The following SLC44A2 variants were observed in gnomAD, a reference collection of about 807,000 sequenced individuals.
SLC44A2 encodes solute carrier family 44 member 2 (CTL2 blood group), also known as choline transporter-like protein 2.
A neutral mutation model predicts 90.8 loss-of-function variants in SLC44A2; 57 were observed. The ratio of observed to expected loss-of-function variants is 0.63; its 90% CI spans 0.51 to 0.78. SLC44A2 has a LOEUF of 0.78. Ranked by LOEUF, SLC44A2 falls within the 30% of genes least tolerant of loss-of-function variation. SLC44A2 has a pLI of 0.00. For missense variants in SLC44A2, 794 were observed against 919.7 expected (o/e 0.86, Z 1.77); for synonymous variants, 355 against 360.7 (o/e 0.98, Z 0.18).
chr19:10,636,438 C>G lies in SLC44A2; in HGVS notation c.1349C>G (p.Ala450Gly), dbSNP rs934391660. The G allele has an allele frequency of 3.7e-6, 6 of 1,614,076 alleles. No individual in the cohort carries two copies. Among genetic ancestry groups the G allele is most frequent in the Non-Finnish European group, 5.1e-6 (6 of 1,180,038 alleles). ...CTGCTGGGCCTGCAGATCTTCAATGCCTTCATGTTCTTCTGGTTGGCCAAC... is the reference window on the plus strand; with the variant it reads ...CTGCTGGGCCTGCAGATCTTCAATGGCTTCATGTTCTTCTGGTTGGCCAAC... ...RALLGLQIFN[A>G]FMFFWLANFV... The change falls in exon 15 of 22, where the codon GCC becomes GGC. Residue 450 changes from alanine to glycine, a missense_variant. Around this residue, in one of 3 missense-constraint regions of SLC44A2, gnomAD observed 738 missense variants for 841.1 expected, o/e 0.88. Coordinates refer to ENST00000335757, the MANE Select transcript of SLC44A2 (RefSeq NM_020428.4).
intron 20 of SLC44A2, among the ~76,000 whole-genome samples, chr19:10,641,796 A>T (rs2067118881): frequency 6.6e-6 from 1 of 150,492 alleles, no homozygotes. Flanking sequence ...CAGTGAGCTG[A>T]GATTGCACCA....
rs11544831 is a variant in SLC44A2 at position 10,636,497 on chromosome 19, G to A, written c.1408G>A (p.Gly470Arg). 1.9e-6 allele frequency: 3 copies of A among 1,612,574 alleles called. No homozygotes were observed. Among genetic ancestry groups the A allele is most frequent in the Non-Finnish European group, 1.7e-6 (2 of 1,180,014 alleles). Residue 470 changes from glycine to arginine, a missense_variant, in exon 15 of 22, where the codon GGG becomes AGG. Coordinates refer to ENST00000335757, the MANE Select transcript of SLC44A2 (RefSeq NM_020428.4). ...GGCGCTGGGCCAGGTCACGCTGGCCGGGGCCTTTGCCTCCTACTACTGGGC... is the reference window on the plus strand; with the variant it reads ...GGCGCTGGGCCAGGTCACGCTGGCCAGGGCCTTTGCCTCCTACTACTGGGC... ...VLALGQVTLA[G>R]AFASYYWALR...
At chr19:10,630,659 TAAA>T (rs56803247) in intron 4 of SLC44A2, among the ~76,000 whole-genome samples, 1 of 130,092 alleles carries the variant, frequency 7.7e-6, no homozygotes, top group African/African-American at 2.9e-5. Flanking sequence ...GGACTCCATC[TAAA>T]AAAAAAAAAA....
rs1453993199 is a variant in SLC44A2 at position 10,643,038 on chromosome 19, TG to T, written c.2015-236del. 9 of 1,501,124 alleles carry T rather than the reference TG, an allele frequency of 6.0e-6. No individual in the cohort carries two copies. The Admixed American group carries it at 1.8e-4, about 29-fold the overall frequency. 93.0% of individuals were successfully genotyped at this position (1,501,124 alleles called of 1,614,324 possible). On this transcript the variant is annotated intron_variant, in intron 21 of 21. Coordinates refer to ENST00000335757, the MANE Select transcript of SLC44A2 (RefSeq NM_020428.4). Reference sequence around the variant, plus strand: ...GAGTAGAGAGTGAGGGAGACTGGCGTGGGGGCCAGGTTTCCTCCATGTAGAC... The same window carrying T: ...GAGTAGAGAGTGAGGGAGACTGGCGTGGGGCCAGGTTTCCTCCATGTAGAC...
chr19:10,631,428 C>G, intron 6 of SLC44A2, 43 bp downstream of exon 6: 2 of 1,613,790 alleles, frequency 1.2e-6, no homozygotes, highest in Non-Finnish European at 1.7e-6. Context: ...TGGGCAGTGG[C>G]AGTGTACTAG....
intron 1 of SLC44A2, among the ~76,000 whole-genome samples, chr19:10,610,476 C>T (rs567100379): frequency 3.4e-5 from 5 of 149,186 alleles, no homozygotes; most frequent in Admixed American, 1.4e-4. Context: ...GGATTACAGG[C>T]GCCCGCCACC....
chr19:10,610,483 C>T (rs2144808351), intron 1 of SLC44A2, among the ~76,000 whole-genome samples: 1 of 149,992 alleles, frequency 6.7e-6, no homozygotes, highest in East Asian at 2.0e-4. Context: ...AGGCGCCCGC[C>T]ACCATGCCCG....
intron 16 of SLC44A2, 70 bp from the exon 17 acceptor site, chr19:10,637,574 G>T: frequency 7.4e-7 from 1 of 1,350,286 alleles, no homozygotes; most frequent in South Asian, 1.2e-5. Flanking sequence ...GTGTGTGATA[G>T]GGAAGAGGGG....
intron 21 of SLC44A2, 96 bp downstream of exon 21, chr19:10,642,547 C>T: frequency 8.8e-7 from 1 of 1,130,948 alleles, no homozygotes; most frequent in Non-Finnish European, 1.3e-6. Flanking sequence ...CGCTTGCCTG[C>T]CCCCAGCTTC....
intron 4 of SLC44A2, among the ~76,000 whole-genome samples, chr19:10,629,675 T>C (rs2144852924): frequency 6.6e-6 from 1 of 152,146 alleles, no homozygotes; most frequent in South Asian, 2.1e-4. Context: ...ACTCCTGGGC[T>C]TAAGCGATCT....
In SLC44A2 at chr19:10,631,108, G is replaced by C; in HGVS notation, c.297G>C (p.Leu99=). ...YFNIVKCASP[L]VLLEFQCPTP... is the part of the protein sequence containing the mutation. ...ACATTGTGAAATGTGCCAGCCCCCT[G>C]GTTCTGCTGGAATTCCAATGTCCCA... The change falls in exon 5 of 22, where the codon CTG becomes CTC. Residue 99 remains leucine, a synonymous_variant. Coordinates refer to ENST00000335757, the MANE Select transcript of SLC44A2 (RefSeq NM_020428.4). 6.2e-7 allele frequency: 1 copy of C among 1,613,990 alleles called. No homozygotes were observed. The highest frequency in any genetic ancestry group is 8.5e-7 in the Non-Finnish European group (1 of 1,180,002).
chr19:10,627,138 T>C (rs1006696647), intron 2 of SLC44A2, among the ~76,000 whole-genome samples: 1 of 151,924 alleles, frequency 6.6e-6, no homozygotes, highest in African/African-American at 2.4e-5. Flanking sequence ...CTGGCTAACA[T>C]GGTGAAACCC....
At position 10,604,245 on chromosome 19, in the gene SLC44A2, G is replaced by A. The variant is rs1430391133; in HGVS notation, c.31+1684G>A. ...GATCTTGTGTGGCAGAAACAGCAGC[G>A]ATTATTTTAGGTTACTAAGGGCTGG... On this transcript the variant is annotated intron_variant, in intron 1 of 21. Transcript: ENST00000407327. Among the ~76,000 whole-genome samples, 6 of 152,162 alleles carry A rather than the reference G, an allele frequency of 3.9e-5. No individual in the cohort carries two copies. The South Asian group carries it at 1.0e-3, about 26-fold the overall frequency.
chr19:10,618,503 G>A (rs1298423599), intron 1 of SLC44A2, among the ~76,000 whole-genome samples: 7 of 115,696 alleles, frequency 6.1e-5, no homozygotes, highest in South Asian at 2.8e-4. Flanking sequence ...TTTTTGAGAC[G>A]GAGTCGTGCT....
chr19:10,617,491 G>A lies in SLC44A2; in HGVS notation c.32-8762G>A, dbSNP rs115445672. 3.0e-3 allele frequency among the ~76,000 whole-genome samples: 450 copies of A among 152,222 alleles called. 1 individual carries two copies. Among genetic ancestry groups the A allele is most frequent in the African/African-American group, 0.01 (435 of 41,544 alleles). Reference sequence around the variant, plus strand: ...ATTTTCAGCTCCATCTCACAGAGGAGTAACTCAAGTTCACACAGCTAGGCA... The same window carrying A: ...ATTTTCAGCTCCATCTCACAGAGGAATAACTCAAGTTCACACAGCTAGGCA... On this transcript the variant is annotated intron_variant, in intron 1 of 21. Transcript: ENST00000407327.
intron 14 of SLC44A2, 91 bp from the exon 15 acceptor site, chr19:10,636,232 A>G: frequency 6.9e-7 from 1 of 1,449,500 alleles, no homozygotes. Context: ...GTCCTACCTC[A>G]TGGTTTTCCT....
At chr19:10,633,821 C>T (rs1236534405) in intron 10 of SLC44A2, among the ~76,000 whole-genome samples, 1 of 152,086 alleles carries the variant, frequency 6.6e-6, no homozygotes, top group Non-Finnish European at 1.5e-5. Flanking sequence ...TTTGAGGACA[C>T]TCATAGTAAA....
At chr19:10,640,852 A>G (rs2067107630) in intron 20 of SLC44A2, among the ~76,000 whole-genome samples, 1 of 151,564 alleles carries the variant, frequency 6.6e-6, no homozygotes. Flanking sequence ...TTGGGAAGCC[A>G]AGGCAGGCGG....
chr19:10,639,557 A>G (rs1168428693), intron 20 of SLC44A2, among the ~76,000 whole-genome samples: 1 of 152,028 alleles, frequency 6.6e-6, no homozygotes, highest in East Asian at 1.9e-4. Flanking sequence ...GCCAGGAAGC[A>G]GTGGGGCTGA....
Sources: allele counts gnomAD v4.1 joint callset (sites outside exome capture counted in the v4.1 genomes callset), GRCh38; gene constraint gnomAD v4.1.1; regional missense constraint gnomAD v4.1.1; transcripts MANE v1.5; gene names NCBI Gene and HGNC (gene_info 2026-07-23, HGNC 2026-07-21).